RBFOX1: variants seen among roughly 807,000 people sequenced by gnomAD.
The protein encoded by RBFOX1 is RNA binding fox-1 homolog 1.
In RBFOX1, 8 loss-of-function variants were observed where a neutral mutation model predicts 57.7. That is an observed-to-expected ratio of 0.14 (90% CI 0.08 to 0.25). RBFOX1 has a LOEUF of 0.25. Ranked by LOEUF, RBFOX1 falls within the 10% of genes least tolerant of loss-of-function variation. The pLI is 1.00. For missense variants in RBFOX1, 611 were observed against 548.5 expected (o/e 1.11, Z -1.14); for synonymous variants, 326 against 222.4 (o/e 1.47, Z -4.15).
intron 1 of RBFOX1, among the ~76,000 whole-genome samples, chr16:6,253,417 G>A (rs1023145730): frequency 2.6e-5 from 4 of 152,138 alleles, no homozygotes; most frequent in African/African-American, 9.7e-5. Context: ...TTCATAGGTA[G>A]GCACCATTAT....
intron 4 of RBFOX1, among the ~76,000 whole-genome samples, chr16:5,903,597 G>T (rs2058365367): frequency 1.3e-5 from 2 of 152,156 alleles, no homozygotes; most frequent in Admixed American, 1.3e-4. Flanking sequence ...GCAGCCGTGG[G>T]AGTGGTTTGC....
chr16:7,039,064 A>C (rs2045377572), intron 3 of RBFOX1, among the ~76,000 whole-genome samples: 1 of 152,182 alleles, frequency 6.6e-6, no homozygotes, highest in South Asian at 2.1e-4. Context: ...AGTGCTCACT[A>C]AATGTGTTGT....
intron 3 of RBFOX1, among the ~76,000 whole-genome samples, chr16:6,917,928 G>T (rs767304713): frequency 6.0e-4 from 92 of 152,148 alleles, no homozygotes; most frequent in Non-Finnish European, 8.1e-4. Flanking sequence ...ATCCCTTTAG[G>T]GTGTTCTTAC....
chr16:7,351,864 G>T (rs1473543658), intron 4 of RBFOX1, among the ~76,000 whole-genome samples: 2 of 152,104 alleles, frequency 1.3e-5, no homozygotes, highest in Non-Finnish European at 2.9e-5. Flanking sequence ...GAAATTTTCA[G>T]CTGTCAGCAG....
At chr16:7,378,576 C>T (rs1033688400) in intron 4 of RBFOX1, among the ~76,000 whole-genome samples, 1 of 152,186 alleles carries the variant, frequency 6.6e-6, no homozygotes, top group Non-Finnish European at 1.5e-5. Flanking sequence ...TGCATTTAAT[C>T]TGGGACATGG....
chr16:7,340,146 T>A (rs963045177), intron 4 of RBFOX1, among the ~76,000 whole-genome samples: 2 of 152,250 alleles, frequency 1.3e-5, no homozygotes, highest in African/African-American at 4.8e-5. Flanking sequence ...GAAAGCTGCA[T>A]AGACTATGAA....
intron 2 of RBFOX1, among the ~76,000 whole-genome samples, chr16:6,355,210 G>T (rs1198984740): frequency 2.0e-5 from 3 of 152,104 alleles, no homozygotes; most frequent in Non-Finnish European, 4.4e-5. Flanking sequence ...AGGTATACGT[G>T]TGCCATGGTG....
rs1862814 is a variant in RBFOX1 at position 5,962,141 on chromosome 16, T to A, written c.351+94806T>A. Among the ~76,000 whole-genome samples, 298 of 152,328 alleles carry A rather than the reference T, an allele frequency of 2.0e-3. 1 individual carries two copies. Among genetic ancestry groups the A allele is most frequent in the African/African-American group, 7.1e-3 (294 of 41,588 alleles). On this transcript the variant is annotated intron_variant, in intron 4 of 19. Coordinates refer to the RBFOX1 transcript ENST00000641259. ...CAAAGAAGGCTGTATCTCCTGTCTT[T>A]AAGATTTTCCAGAGATCTCACATCA...
chr16:6,805,365 A>T (rs1459435067), intron 3 of RBFOX1, among the ~76,000 whole-genome samples: 1 of 152,178 alleles, frequency 6.6e-6, no homozygotes, highest in African/African-American at 2.4e-5. Flanking sequence ...ACAGAGGGGA[A>T]CAGCAGACTT....
At chr16:5,619,114 T>C (rs1426893094) in intron 3 of RBFOX1, among the ~76,000 whole-genome samples, 1 of 152,196 alleles carries the variant, frequency 6.6e-6, no homozygotes, top group East Asian at 1.9e-4. Context: ...AGGAACCACA[T>C]GGGAAAATTG....
At chr16:6,778,713 A>T (rs1267189321) in intron 3 of RBFOX1, among the ~76,000 whole-genome samples, 1 of 152,046 alleles carries the variant, frequency 6.6e-6, no homozygotes, top group Non-Finnish European at 1.5e-5. Context: ...AAATTAAAGA[A>T]ACTAGATTGT....
intron 3 of RBFOX1, among the ~76,000 whole-genome samples, chr16:5,647,771 C>T (rs539430290): frequency 2.6e-5 from 4 of 152,332 alleles, no homozygotes; most frequent in African/African-American, 9.6e-5. Context: ...GTACAAGTTT[C>T]CCGGAACAGA....
intron 1 of RBFOX1, among the ~76,000 whole-genome samples, chr16:5,302,707 T>A (rs544023643): frequency 4.6e-5 from 7 of 152,344 alleles, no homozygotes; most frequent in African/African-American, 1.7e-4. Context: ...GCTCTTTGTC[T>A]TGAGGTTTAT....
chr16:6,859,325 T>C (rs1320012266), intron 3 of RBFOX1, among the ~76,000 whole-genome samples: 3 of 151,364 alleles, frequency 2.0e-5, no homozygotes, highest in African/African-American at 7.3e-5. Context: ...ATTATATTTT[T>C]ATAAGAAAGA....
intron 9 of RBFOX1, among the ~76,000 whole-genome samples, chr16:7,599,886 C>G (rs958705667): frequency 6.6e-6 from 1 of 151,838 alleles, no homozygotes; most frequent in Admixed American, 6.6e-5. Context: ...ATGTGCCTGT[C>G]TTGGCCTCCA....
intron 3 of RBFOX1, among the ~76,000 whole-genome samples, chr16:5,828,427 A>C (rs563694096): frequency 6.6e-6 from 1 of 152,108 alleles, no homozygotes; most frequent in Non-Finnish European, 1.5e-5. Context: ...AAATGCAACC[A>C]CCGGGCTCAC....
intron 3 of RBFOX1, among the ~76,000 whole-genome samples, chr16:7,013,709 G>T (rs1212550281): frequency 6.6e-6 from 1 of 152,194 alleles, no homozygotes; most frequent in Non-Finnish European, 1.5e-5. Context: ...CCAGGCTGGA[G>T]TGCACTGGCA....
chr16:5,332,423 A>C lies in RBFOX1; in HGVS notation c.219+92318A>C, dbSNP rs370253019. Among the ~76,000 whole-genome samples, 14 of 151,670 alleles carry C rather than the reference A, an allele frequency of 9.2e-5. No homozygotes were observed. The East Asian group carries it at 1.9e-3, about 21-fold the overall frequency. On this transcript the variant is annotated intron_variant, in intron 1 of 2. Coordinates refer to the RBFOX1 transcript ENST00000585867. ...ATTACAGGTACATGCCACCATGCCCAGCTGATTTTTTTGTATTTTTGGTAG... is the reference window on the plus strand; with the variant it reads ...ATTACAGGTACATGCCACCATGCCCCGCTGATTTTTTTGTATTTTTGGTAG...
At chr16:5,982,539 G>A (rs528311577) in intron 4 of RBFOX1, among the ~76,000 whole-genome samples, 3 of 152,238 alleles carry the variant, frequency 2.0e-5, no homozygotes, top group East Asian at 3.9e-4. Flanking sequence ...GCCTCCCAAA[G>A]TGCTGGGATT....
Sources: allele counts gnomAD v4.1 joint callset (sites outside exome capture counted in the v4.1 genomes callset), GRCh38; gene constraint gnomAD v4.1.1; transcripts MANE v1.5; gene names NCBI Gene and HGNC (gene_info 2026-07-23, HGNC 2026-07-21).